The following ZNF577 variants were observed in gnomAD, a reference collection of about 807,000 sequenced individuals.
ZNF577 encodes zinc finger protein 577.
Under a neutral mutation model 13.9 loss-of-function variants are expected in ZNF577, and 14 were observed. That is an observed-to-expected ratio of 1.00 (90% CI 0.66 to 1.57). ZNF577 has a LOEUF of 1.57. Ranked by LOEUF, ZNF577 falls within the 40% of genes most tolerant of loss-of-function variation. The pLI, the probability that ZNF577 is intolerant of heterozygous loss-of-function variation, is 0.00. For missense variants in ZNF577, 555 were observed against 579.2 expected (o/e 0.96, Z 0.43); for synonymous variants, 203 against 202.9 (o/e 1.00, Z 0.00).
At chr19:51,862,150 T>C (rs2084510306), downstream of ZNF577, 1 of 152,422 alleles carries the variant, frequency 6.6e-6, no homozygotes, top group Non-Finnish European at 1.5e-5. Flanking sequence ...ATATGATTTA[T>C]TTCCTATATG....
At position 51,867,058 on chromosome 19, in the gene ZNF577, A is replaced by G. The variant is rs553652296; in HGVS notation, c.*5474T>C. On this transcript the variant is annotated 3_prime_UTR_variant, in exon 6 of 6. Transcript: ENST00000638348. ...CAGAAACAACTTAAGTACATCATACATTCTTACATATTTATTCACCTGTAT... is the reference window on the plus strand; with the variant it reads ...CAGAAACAACTTAAGTACATCATACGTTCTTACATATTTATTCACCTGTAT... 1.3e-4 allele frequency among the ~76,000 whole-genome samples: 20 copies of G among 152,266 alleles called. No individual in the cohort carries two copies. Among genetic ancestry groups the G allele is most frequent in the African/African-American group, 4.6e-4 (19 of 41,544 alleles).
rs1186298005 is a variant in ZNF577 at position 51,871,058 on chromosome 19, C to T, written c.*1474G>A. On this transcript the variant is annotated 3_prime_UTR_variant, in exon 6 of 6. Coordinates refer to ENST00000638348, the MANE Select transcript of ZNF577 (RefSeq NM_001370449.1). ...GAAAAAGTTAGTCAATATCCAGGTG[C>T]ATTATGTCATATGCATTCCGTACTC... Among the ~76,000 whole-genome samples, 1 of 152,120 alleles carries T rather than the reference C, an allele frequency of 6.6e-6. No homozygotes were observed. The highest frequency in any genetic ancestry group is 1.9e-4 in the East Asian group (1 of 5,196).
At position 51,870,474 on chromosome 19, in the gene ZNF577, G is replaced by A. The variant is rs1010169987; in HGVS notation, c.*2058C>T. 6.6e-6 allele frequency among the ~76,000 whole-genome samples: 1 copy of A among 152,122 alleles called. No homozygotes were observed. The highest frequency in any genetic ancestry group is 2.4e-5 in the African/African-American group (1 of 41,416). On this transcript the variant is annotated 3_prime_UTR_variant, in exon 6 of 6. Coordinates refer to ENST00000638348, the MANE Select transcript of ZNF577 (RefSeq NM_001370449.1). ...AGAGCAAATCTGAGCCACCCACAGAGGCAATACTCCTTACTTAAGGTCCAC... is the reference window on the plus strand; with the variant it reads ...AGAGCAAATCTGAGCCACCCACAGAAGCAATACTCCTTACTTAAGGTCCAC...
chr19:51,831,614 G>A (rs972668814), intron 9 of ZNF577, among the ~76,000 whole-genome samples: 1 of 149,992 alleles, frequency 6.7e-6, no homozygotes, highest in Non-Finnish European at 1.5e-5. Context: ...AGCAGCCAAA[G>A]TTTTTTTTTT....
chr19:51,810,301 C>T (rs1333874234), intron 10 of ZNF577, among the ~76,000 whole-genome samples: 7 of 152,138 alleles, frequency 4.6e-5, no homozygotes, highest in East Asian at 1.9e-4. Flanking sequence ...GTTTACAATC[C>T]GCGTTTGCAT....
chr19:51,873,584 C>A lies in ZNF577; in HGVS notation c.406G>T (p.Val136Phe), dbSNP rs1335882623. The A allele has an allele frequency of 2.3e-5, 37 of 1,614,056 alleles. No individual in the cohort carries two copies. The highest frequency in any genetic ancestry group is 3.1e-5 in the Non-Finnish European group (36 of 1,180,038). Residue 136 changes from valine to phenylalanine, a missense_variant, in exon 6 of 6, where the codon GTT (valine) becomes TTT (phenylalanine). By Grantham distance (50) the Val-to-Phe change is conservative (BLOSUM62 -1). Transcript: ENST00000638348. ...TGTGATTTAGGGCTGCTGGGTTTAA[C>A]ACATCTATGGTATTTAACTCCAGTA... ...TLTGVKYHRC[V>F]KPSSPKSQLN...
In ZNF577 at chr19:51,824,776, C is replaced by T. The variant is rs549140038; in HGVS notation, c.*600-13102G>A. ...AGCAACACAGACACCACTTCTGCTT[C>T]ACCTCCTGAGGAGACGGAGTTACAA... On this transcript the variant is annotated intron_variant and NMD_transcript_variant, in intron 9 of 10. Transcript: ENST00000638827. This position sits in a 1 kb window ranked among gnomAD's most constrained non-coding sequence, Gnocchi z 4.7. 1.9e-6 allele frequency: 3 copies of T among 1,613,744 alleles called. No individual in the cohort carries two copies. Among genetic ancestry groups the T allele is most frequent in the South Asian group, 2.2e-5 (2 of 91,050 alleles).
At chr19:51,810,816 T>G (rs1042831550) in intron 10 of ZNF577, among the ~76,000 whole-genome samples, 3 of 152,136 alleles carry the variant, frequency 2.0e-5, no homozygotes, top group Non-Finnish European at 4.4e-5. Flanking sequence ...AACAACTTAC[T>G]CTAGTGGGGT....
At chr19:51,859,158 C>A (rs555506432) in intron 5 of ZNF577, among the ~76,000 whole-genome samples, 1 of 152,298 alleles carries the variant, frequency 6.6e-6, no homozygotes, top group African/African-American at 2.4e-5. Context: ...TGCAACATGT[C>A]ATCAGTACTT....
intron 9 of ZNF577, among the ~76,000 whole-genome samples, chr19:51,829,623 G>A (rs565121343): frequency 1.3e-5 from 2 of 152,120 alleles, no homozygotes; most frequent in South Asian, 4.1e-4. Context: ...ACTGATGAGA[G>A]AGCCACAGGA....
chr19:51,852,933 C>CTT (rs112665914), intron 5 of ZNF577, among the ~76,000 whole-genome samples: 47,807 of 143,448 alleles, frequency 0.33, 8,433 homozygotes, highest in South Asian at 0.52. Context: ...GTTTTCTTTT[C>CTT]TTTTTTTTTT....
downstream of ZNF577, among the ~76,000 whole-genome samples, chr19:51,865,519 A>C (rs1222803418): frequency 6.6e-6 from 1 of 152,238 alleles, no homozygotes; most frequent in Non-Finnish European, 1.5e-5. Context: ...TACAAAAATC[A>C]GGCCAAATAT....
intron 9 of ZNF577, among the ~76,000 whole-genome samples, chr19:51,832,345 CT>C (rs1568435610): frequency 6.6e-6 from 1 of 151,568 alleles, no homozygotes; most frequent in Non-Finnish European, 1.5e-5. Context: ...CCATAATTTT[CT>C]TTTTTTATTT....
Position 51,846,525 on chromosome 19 carries a change from T to C in ZNF577, c.284-1594A>G, listed in dbSNP as rs1194328642. Among the ~76,000 whole-genome samples, 5 of 152,206 alleles carry C rather than the reference T, an allele frequency of 3.3e-5. No homozygotes were observed. The South Asian group carries it at 1.0e-3, about 32-fold the overall frequency. Reference sequence around the variant, plus strand: ...GAGTTTGAGACCAGCCTGGCCAATATAGCAAAACCGTGTCTCTACTAAAAA... The same window carrying C: ...GAGTTTGAGACCAGCCTGGCCAATACAGCAAAACCGTGTCTCTACTAAAAA... On this transcript the variant is annotated intron_variant and NMD_transcript_variant, in intron 5 of 10. Coordinates refer to the ZNF577 transcript ENST00000638827.
downstream of ZNF577, among the ~76,000 whole-genome samples, chr19:51,865,447 C>T (rs537130370): frequency 6.6e-6 from 1 of 152,284 alleles, no homozygotes; most frequent in South Asian, 2.1e-4. Flanking sequence ...CTGTGGTGAG[C>T]ACTCCCACCT....
intron 9 of ZNF577, chr19:51,823,894 G>A: frequency 6.2e-7 from 1 of 1,614,072 alleles, no homozygotes; most frequent in Non-Finnish European, 8.5e-7. Context: ...CTTGTGATCT[G>A]GGTGGCTGGA....
chr19:51,864,165 G>C (rs2084533673), downstream of ZNF577, among the ~76,000 whole-genome samples: 6 of 152,186 alleles, frequency 3.9e-5, no homozygotes, highest in Non-Finnish European at 5.9e-5. Context: ...TGCACCCTGT[G>C]AATGAGTACA....
At chr19:51,808,512 C>G (rs1450170861) in intron 10 of ZNF577, among the ~76,000 whole-genome samples, 3 of 152,176 alleles carry the variant, frequency 2.0e-5, no homozygotes, top group Non-Finnish European at 2.9e-5. Flanking sequence ...TAATGCCTGT[C>G]CTACAAAATG....
chr19:51,865,078 C>T (rs917587107), downstream of ZNF577, among the ~76,000 whole-genome samples: 1 of 152,182 alleles, frequency 6.6e-6, no homozygotes, highest in African/African-American at 2.4e-5. Context: ...CTGCATGCAA[C>T]AGTCAATGAA....
Sources: allele counts gnomAD v4.1 joint callset (sites outside exome capture counted in the v4.1 genomes callset), GRCh38; gene constraint gnomAD v4.1.1; non-coding constraint Gnocchi (gnomAD v3.1); transcripts MANE v1.5; gene names NCBI Gene and HGNC (gene_info 2026-07-23, HGNC 2026-07-21).